The following CRYL1 variants were observed in gnomAD, a reference collection of about 807,000 sequenced individuals.
The protein encoded by CRYL1 is crystallin lambda 1, also known as lambda-crystallin homolog.
In CRYL1, 29 loss-of-function variants were observed where a neutral mutation model predicts 36.6. That is an observed-to-expected ratio of 0.79 (90% CI 0.59 to 1.08). The LOEUF is 1.08. Among genes scored for constraint, CRYL1 ranks in the 50% least tolerant of loss-of-function variants. The pLI, the probability that CRYL1 is intolerant of heterozygous loss-of-function variation, is 0.00. For synonymous variants in CRYL1, 152 were observed against 151.5 expected (o/e 1.00, Z -0.02); for missense variants, 411 against 407.9 (o/e 1.01, Z -0.06).
intron 3 of CRYL1, among the ~76,000 whole-genome samples, chr13:20,488,125 T>C (rs2033437050): frequency 6.6e-6 from 1 of 152,066 alleles, no homozygotes. Flanking sequence ...TAAAACTAAA[T>C]TCATGTGAAA....
At chr13:20,439,863 G>A in intron 3 of CRYL1, 109 bp from the exon 4 acceptor site, 1 of 1,079,750 alleles carries the variant, frequency 9.3e-7, no homozygotes, top group Non-Finnish European at 1.3e-6. Context: ...AAAATGATGA[G>A]GTTCAAGACG....
intron 7 of CRYL1, 113 bp from the exon 8 acceptor site, chr13:20,404,355 G>T: frequency 1.4e-6 from 1 of 725,070 alleles, no homozygotes; most frequent in Non-Finnish European, 2.3e-6. Flanking sequence ...AAAGACAAAA[G>T]CAATAAACCC....
At chr13:20,420,702 TGTGTG>T (rs1372093139) in intron 5 of CRYL1, among the ~76,000 whole-genome samples, 16 of 93,280 alleles carry the variant, frequency 1.7e-4, no homozygotes, top group Non-Finnish European at 2.8e-4. Flanking sequence ...AAATAGAGGT[TGTGTG>T]TGTGTGTGTG....
intron 2 of CRYL1, among the ~76,000 whole-genome samples, chr13:20,507,262 C>A: frequency 6.6e-6 from 1 of 152,166 alleles, no homozygotes; most frequent in East Asian, 1.9e-4. Context: ...CATTTTGTGA[C>A]TCTGAAAATT....
chr13:20,432,361 C>T (rs981040279), intron 4 of CRYL1, 65 bp from the exon 5 acceptor site: 17 of 1,237,182 alleles, frequency 1.4e-5, no homozygotes, highest in Middle Eastern at 2.0e-4. Context: ...ACTGCACCCA[C>T]CCTGAATGGT....
intron 3 of CRYL1, among the ~76,000 whole-genome samples, chr13:20,447,842 G>A (rs1565967282): frequency 6.6e-6 from 1 of 152,136 alleles, no homozygotes; most frequent in African/African-American, 2.4e-5. Context: ...AAGCAGAGCA[G>A]AAGAAAATGC....
intron 3 of CRYL1, among the ~76,000 whole-genome samples, chr13:20,483,326 T>A (rs892410819): frequency 6.6e-6 from 1 of 152,080 alleles, no homozygotes; most frequent in Non-Finnish European, 1.5e-5. Flanking sequence ...GCAAGTAATT[T>A]TTTATTTATT....
rs41307597 is a variant in CRYL1 at position 20,512,687 on chromosome 13, T to A, written c.42-137A>T. ...TCAATACATATCTTAAAAGTACACA[T>A]TTTAGCCGGGCACAGAAAGACAAAT... On this transcript the variant is annotated intron_variant, in intron 1 of 7. Coordinates refer to ENST00000298248, the MANE Select transcript of CRYL1 (RefSeq NM_015974.3). The A allele has an allele frequency of 5.0e-6, 3 of 604,374 alleles. No individual in the cohort carries two copies. The East Asian group carries it at 8.4e-5, about 17-fold the overall frequency. The allele number at this position is 604,374 out of a possible 1,614,324, so 37.4% of individuals were successfully genotyped here.
chr13:20,462,010 A>AGGGAT (rs2032831837), intron 3 of CRYL1, among the ~76,000 whole-genome samples: 1 of 107,820 alleles, frequency 9.3e-6, no homozygotes, highest in Non-Finnish European at 1.8e-5. Flanking sequence ...GCCTGGTGGG[A>AGGGAT]GGAGGGGTCA....
intron 5 of CRYL1, among the ~76,000 whole-genome samples, chr13:20,420,749 GTTT>G (rs2031789205): frequency 1.7e-5 from 2 of 117,382 alleles, no homozygotes; most frequent in Non-Finnish European, 3.5e-5. Flanking sequence ...GTGTGTGTGT[GTTT>G]TGAGACAGAG....
At chr13:20,483,739 C>A (rs1331481694) in intron 3 of CRYL1, among the ~76,000 whole-genome samples, 2 of 152,144 alleles carry the variant, frequency 1.3e-5, no homozygotes, top group African/African-American at 4.8e-5. Context: ...CGGGGTTTCA[C>A]CATGTTGCTC....
At chr13:20,416,314 C>T (rs1020348505) in intron 5 of CRYL1, among the ~76,000 whole-genome samples, 1 of 152,164 alleles carries the variant, frequency 6.6e-6, no homozygotes, top group Non-Finnish European at 1.5e-5. Context: ...GAAGCTGTAA[C>T]GGGTCGGGGC....
At chr13:20,517,003 G>A (rs2137516939) in intron 1 of CRYL1, among the ~76,000 whole-genome samples, 1 of 152,200 alleles carries the variant, frequency 6.6e-6, no homozygotes, top group South Asian at 2.1e-4. Flanking sequence ...GAGCCCAGGA[G>A]TTCAAGGATG....
chr13:20,452,046 T>C (rs2032581002), intron 3 of CRYL1, among the ~76,000 whole-genome samples: 1 of 151,648 alleles, frequency 6.6e-6, no homozygotes, highest in Non-Finnish European at 1.5e-5. Flanking sequence ...GAAAACCAAA[T>C]ACCACATGTC....
chr13:20,511,011 A>C (rs2033906063), intron 2 of CRYL1, among the ~76,000 whole-genome samples: 1 of 152,126 alleles, frequency 6.6e-6, no homozygotes, highest in African/African-American at 2.4e-5. Flanking sequence ...CTTCCTTCCA[A>C]AACAGTACAG....
rs1485808679 is a variant in CRYL1, at chr13:20,512,567, G to T, written c.42-17C>A. On this transcript the variant is annotated splice_polypyrimidine_tract_variant and intron_variant, in intron 1 of 7. Coordinates refer to ENST00000298248, the MANE Select transcript of CRYL1 (RefSeq NM_015974.3). ...ATGACTCCACTGAAGGGAGATAAAA[G>T]AAAGGATTCGAGTTAATTTAATAAT... The T allele has an allele frequency of 6.3e-7, 1 of 1,580,488 alleles. No individual in the cohort carries two copies. The highest frequency in any genetic ancestry group is 1.3e-5 in the African/African-American group (1 of 74,084).
intron 5 of CRYL1, chr13:20,430,176 A>C (rs2032025766): frequency 1.0e-6 from 1 of 984,178 alleles, no homozygotes. Flanking sequence ...CTACCTGTAG[A>C]TAATCCTTAT....
At chr13:20,511,324 T>C (rs1416616658) in intron 2 of CRYL1, among the ~76,000 whole-genome samples, 1 of 152,058 alleles carries the variant, frequency 6.6e-6, no homozygotes, top group Non-Finnish European at 1.5e-5. Context: ...ACTCCTGGCC[T>C]CAAATGATCC....
intron 2 of CRYL1, among the ~76,000 whole-genome samples, chr13:20,494,398 G>A (rs2033568386): frequency 6.6e-6 from 1 of 152,026 alleles, no homozygotes; most frequent in African/African-American, 2.4e-5. Flanking sequence ...ACTAACCACC[G>A]CCAATCCTCT....
Sources: gnomAD v4.1 joint callset for allele counts (sites outside exome capture counted in the v4.1 genomes callset) on GRCh38, gnomAD v4.1.1 for gene constraint, MANE v1.5 for transcripts, NCBI Gene and HGNC (gene_info 2026-07-23, HGNC 2026-07-21) for gene names.